Variants in HUWE1 observed in about 807,000 individuals in gnomAD.
The protein encoded by HUWE1 is HECT, UBA and WWE domain containing E3 ubiquitin protein ligase 1.
A neutral mutation model predicts 299.4 loss-of-function variants in HUWE1; 18 were observed. The ratio of observed to expected loss-of-function variants is 0.06; its 90% CI spans 0.04 to 0.09. HUWE1 has a LOEUF of 0.09. HUWE1 is among the 10% of genes least tolerant of loss of function. The pLI, the probability that HUWE1 is intolerant of heterozygous loss-of-function variation, is 1.00. For missense variants in HUWE1, 1,832 were observed against 3,462.3 expected (o/e 0.53, Z 11.82); for synonymous variants, 1,317 against 1,286.1 (o/e 1.02, Z -0.51).
At chrX:53,668,014 CAT>C (rs1247385546) in intron 3 of HUWE1, among the ~76,000 whole-genome samples, 1 of 111,293 alleles carries the variant, frequency 9.0e-6, no homozygotes, top group Non-Finnish European at 1.9e-5. Context: ...CCCAAAGCCA[CAT>C]GATAGACTAC....
intron 37 of HUWE1, 89 bp downstream of exon 37, chrX:53,588,293 G>C: frequency 1.0e-6 from 1 of 985,920 alleles, no homozygotes. Context: ...CTTATTCTTC[G>C]CTTTATCGTC....
At chrX:53,618,374 T>A in intron 19 of HUWE1, among the ~76,000 whole-genome samples, 2 of 107,812 alleles carry the variant, frequency 1.9e-5, no homozygotes, top group Admixed American at 9.9e-5. Context: ...TGCCAACAAG[T>A]GAAATAATAT....
At chrX:53,656,065 C>T (rs942860587) in intron 3 of HUWE1, among the ~76,000 whole-genome samples, 2 of 110,544 alleles carry the variant, frequency 1.8e-5, no homozygotes, top group East Asian at 5.7e-4. Flanking sequence ...GGCAACAGAG[C>T]GAGACTCCAT....
chrX:53,561,636 A>T, intron 55 of HUWE1, 120 bp downstream of exon 55: 1 of 1,017,575 alleles, frequency 9.8e-7, no homozygotes. Flanking sequence ...TGCCCCAGGA[A>T]GTCAGCATAG....
In HUWE1 at chrX:53,562,881, T is replaced by G; in HGVS notation, c.7154A>C (p.Glu2385Ala). ...DESQEDVLMD[E>A]APSNLSQAST... ...AGCTTGGCTGAGGTTGGAAGGAGCT[T>G]CATCCATCAGCACGTCCTCTTGTGA... is the stretch of plus-strand genomic sequence containing the variant. The change falls in exon 53 of 84, where the codon GAA becomes GCA. Residue 2385 changes from glutamate (E) to alanine (A), a missense_variant. Transcript: ENST00000262854. The G allele has an allele frequency of 8.3e-7, 1 of 1,211,483 alleles. No individual in the cohort carries two copies. The highest frequency in any genetic ancestry group is 1.1e-6 in the Non-Finnish European group (1 of 895,334).
chrX:53,626,416 A>C (rs985925945), intron 17 of HUWE1, among the ~76,000 whole-genome samples: 3 of 111,506 alleles, frequency 2.7e-5, no homozygotes, highest in Non-Finnish European at 5.7e-5. Context: ...TATAAAAAGC[A>C]TGAAAAGATT....
At chrX:53,603,160 T>A (rs1031642876) in intron 27 of HUWE1, among the ~76,000 whole-genome samples, 7 of 111,680 alleles carry the variant, frequency 6.3e-5, no homozygotes, top group African/African-American at 2.3e-4. Context: ...CACAACTCAA[T>A]TTTTTGTATC....
intron 76 of HUWE1, 117 bp downstream of exon 76, chrX:53,538,718 A>ACT (rs1345879400): frequency 1.3e-5 from 9 of 693,906 alleles, no homozygotes; most frequent in East Asian, 7.5e-5. Flanking sequence ...ACACACACAC[A>ACT]CACACACTCT....
chrX:53,668,590 T>C (rs1184597176), intron 3 of HUWE1, among the ~76,000 whole-genome samples: 1 of 111,601 alleles, frequency 9.0e-6, no homozygotes, highest in Non-Finnish European at 1.9e-5. Context: ...CTTAGACAAG[T>C]TGCCATACAT....
chrX:53,613,102 CA>C (rs782515512), intron 23 of HUWE1, among the ~76,000 whole-genome samples: 2 of 110,655 alleles, frequency 1.8e-5, no homozygotes, highest in African/African-American at 6.6e-5. Context: ...GACTCGTCTA[CA>C]AAAAAAAGTC....
At chrX:53,619,536 A>C (rs1228344668) in intron 19 of HUWE1, among the ~76,000 whole-genome samples, 6 of 106,995 alleles carry the variant, frequency 5.6e-5, no homozygotes, top group African/African-American at 2.1e-4. Flanking sequence ...AAGAAATGGA[A>C]AAAAGGTAAT....
At chrX:53,624,465 C>A in intron 19 of HUWE1, 130 bp downstream of exon 19, 1 of 538,469 alleles carries the variant, frequency 1.9e-6, no homozygotes, top group South Asian at 2.6e-5. Context: ...CCACTACACT[C>A]CAGCCTGGGC....
chrX:53,652,810 TA>T (rs2068552213), intron 4 of HUWE1, among the ~76,000 whole-genome samples: 1 of 112,425 alleles, frequency 8.9e-6, no homozygotes, highest in African/African-American at 3.2e-5. Context: ...CTTATGAAAT[TA>T]ACAAAAATTT....
rs782787659 is a variant in HUWE1 at position 53,600,335 on chromosome X, T to A, written c.2972-26A>T. The stretch of plus-strand genomic sequence containing the variant: ...CTACAGATGTATAAGAGGGGAGCAA[T>A]AGGACAATGTAGAGCCAACATTTAC... On this transcript the variant is annotated intron_variant, in intron 28 of 83. Transcript: ENST00000262854. 41 of 1,075,579 alleles carry A rather than the reference T, an allele frequency of 3.8e-5. No individual in the cohort carries two copies. In the African/African-American group the frequency reaches 5.5e-4, roughly 14 times the overall value. The allele number at this position is 1,075,579 out of a possible 1,213,427, so 88.6% of individuals were successfully genotyped here. A position where few individuals can be genotyped will look rare whatever the true frequency, so the allele number is the denominator to read the frequency against.
chrX:53,647,282 G>A, intron 6 of HUWE1, 86 bp downstream of exon 6: 1 of 650,085 alleles, frequency 1.5e-6, no homozygotes, highest in East Asian at 3.4e-5. Flanking sequence ...GAAAAGGAAA[G>A]AAGCAATAGA....
intron 42 of HUWE1, among the ~76,000 whole-genome samples, chrX:53,581,586 A>G (rs1290337622): frequency 8.9e-6 from 1 of 112,222 alleles, no homozygotes; most frequent in Non-Finnish European, 1.9e-5. Flanking sequence ...CGAAGAAAAT[A>G]ACTCAATTGT....
intron 73 of HUWE1, 59 bp downstream of exon 73, chrX:53,543,782 C>G: frequency 8.3e-7 from 1 of 1,205,525 alleles, no homozygotes. Context: ...CCACTGATGA[C>G]ATGGTGGGGG....
chrX:53,671,847 G>C lies in HUWE1; in HGVS notation c.-25+8202C>G, dbSNP rs190358623. ...GAAGTATACATAATGACAGAGACAT[G>C]GAACGGGTCAATACGTGGGAAGAGC... is the stretch of plus-strand genomic sequence containing the variant. On this transcript the variant is annotated intron_variant, in intron 3 of 83. Coordinates refer to ENST00000262854, the MANE Select transcript of HUWE1 (RefSeq NM_031407.7). Among the ~76,000 whole-genome samples the C allele has an allele frequency of 7.6e-5, 8 of 104,837 alleles. No homozygotes were observed. The East Asian group carries it at 2.5e-3, about 32-fold the overall frequency. 91.0% of individuals were successfully genotyped at this position (104,837 alleles called of 115,157 possible).
At chrX:53,684,179 C>T (rs1315793783) in intron 2 of HUWE1, 1 of 245,966 alleles carries the variant, frequency 4.1e-6, no homozygotes. Context: ...AGCCAACCTA[C>T]CACGGCCGGC....
Sources: gnomAD v4.1 joint callset for allele counts (sites outside exome capture counted in the v4.1 genomes callset) on GRCh38, gnomAD v4.1.1 for gene constraint, MANE v1.5 for transcripts, NCBI Gene and HGNC (gene_info 2026-07-23, HGNC 2026-07-21) for gene names.